Variants in TFIP11 observed in about 807,000 individuals in gnomAD.
TFIP11 encodes the protein tuftelin-interacting protein 11.
A neutral mutation model predicts 96.8 loss-of-function variants in TFIP11; 86 were observed. The observed-to-expected ratio is 0.89, with a 90% CI of 0.75 to 1.06. TFIP11 has a LOEUF of 1.06. Among genes scored for constraint, TFIP11 ranks in the 50% least tolerant of loss-of-function variants. TFIP11 has a pLI of 0.00. For missense variants in TFIP11, 881 were observed against 1,076.7 expected (o/e 0.82, Z 2.54); for synonymous variants, 405 against 395.2 (o/e 1.02, Z -0.29).
At chr22:26,507,641 AAAAAAG>A (rs1438968478) in intron 4 of TFIP11, among the ~76,000 whole-genome samples, 1 of 151,630 alleles carries the variant, frequency 6.6e-6, no homozygotes, top group Admixed American at 6.6e-5. Context: ...AAAAAAAAAA[AAAAAAG>A]AAAAGAAAAT....
intron 2 of TFIP11, 125 bp downstream of exon 2, chr22:26,511,973 AG>A (rs2147155548): frequency 6.6e-6 from 1 of 152,342 alleles, no homozygotes; most frequent in African/African-American, 2.4e-5. Context: ...AGTAGATGCT[AG>A]GTACATGCTG....
In TFIP11 at chr22:26,508,229, T is replaced by C. The variant is rs185235954; in HGVS notation, c.210-1301A>G. On this transcript the variant is annotated intron_variant, in intron 4 of 14. Coordinates refer to ENST00000407690, the MANE Select transcript of TFIP11 (RefSeq NM_012143.4). ...AGGGAGTTTTTTCCTAAAATTGTAATATAACTTAGTGATTTAGATCCCAAA... is the reference window on the plus strand; with the variant it reads ...AGGGAGTTTTTTCCTAAAATTGTAACATAACTTAGTGATTTAGATCCCAAA... Among the ~76,000 whole-genome samples the C allele has an allele frequency of 4.5e-3, 681 of 152,334 alleles. 4 individuals carry two copies. Among genetic ancestry groups the C allele is most frequent in the Middle Eastern group, 0.014 (4 of 294 alleles).
At position 26,506,350 on chromosome 22, in the gene TFIP11, TGAA is replaced by T; in HGVS notation, c.470_472del (p.Leu157del). 6.2e-7 allele frequency: 1 copy of T among 1,613,754 alleles called. No individual in the cohort carries two copies. Among genetic ancestry groups the T allele is most frequent in the Non-Finnish European group, 8.5e-7 (1 of 1,179,814 alleles). On this transcript the variant is annotated inframe_deletion, in exon 6 of 15. Transcript: ENST00000407690. ...CCGTCCAGGGACGTAGCCCATCTTC[TGAA>T]GAAGCTTCTGTCCAATTCCTTTTGT... is the stretch of plus-strand genomic sequence containing the variant.
chr22:26,506,243 G>A lies in TFIP11; in HGVS notation c.520+60C>T, dbSNP rs140924644. The A allele has an allele frequency of 2.1e-4, 310 of 1,486,998 alleles. 1 individual carries two copies. In the East Asian group the frequency reaches 6.8e-3, roughly 33 times the overall value. 92.1% of individuals were successfully genotyped at this position (1,486,998 alleles called of 1,614,324 possible). ...GGAAAAGCAAACCTCCTCTCCCAAC[G>A]CCCCTCTCCTTCCCTATGCCTGCCC... On this transcript the variant is annotated intron_variant, in intron 6 of 14. Coordinates refer to ENST00000407690, the MANE Select transcript of TFIP11 (RefSeq NM_012143.4).
In TFIP11 at chr22:26,506,902, TTGAC is replaced by T; in HGVS notation, c.232_235del (p.Val78ThrfsTer41). On this transcript the variant is annotated frameshift_variant, in exon 5 of 15. Coordinates refer to ENST00000407690, the MANE Select transcript of TFIP11 (RefSeq NM_012143.4). LOFTEE classifies it high-confidence loss of function. ...TTTCTTGAGCCCTGCGCTGATGAAG[TTGAC>T]TGGCGCAGAGTAGTCACGGGCCCTG... 1.9e-6 allele frequency: 3 copies of T among 1,614,200 alleles called. No homozygotes were observed. Among genetic ancestry groups the T allele is most frequent in the Non-Finnish European group, 2.5e-6 (3 of 1,180,040 alleles).
chr22:26,511,742 T>A (rs575686236), intron 2 of TFIP11: 1 of 152,308 alleles, frequency 6.6e-6, no homozygotes, highest in African/African-American at 2.4e-5. Context: ...AGTGTCAAAC[T>A]CTGGTCACCT....
In TFIP11 at chr22:26,496,723, C is replaced by T. The variant is rs1922103639; in HGVS notation, c.1603G>A (p.Glu535Lys). The T allele has an allele frequency of 6.2e-7, 1 of 1,613,736 alleles. No individual in the cohort carries two copies. The highest frequency in any genetic ancestry group is 1.3e-5 in the African/African-American group (1 of 74,920). ...GTTTCCCATGACTCTCATCCCACCT[C>T]CTTTTGCAGCTTGGGGAAGATGAGT... The part of the protein sequence containing the change: ...DQLIFPKLQK[E>K]VENWNPLTDT... The change falls in exon 11 of 15, where the codon GAG (glutamate) becomes AAG (lysine). Residue 535 changes from glutamate to lysine, a missense_variant and splice_region_variant. Glu to Lys is a moderately conservative substitution (Grantham distance 56, BLOSUM62 1). Coordinates refer to ENST00000407690, the MANE Select transcript of TFIP11 (RefSeq NM_012143.4).
At chr22:26,508,843 C>CA (rs134139) in intron 4 of TFIP11, among the ~76,000 whole-genome samples, 41 of 139,056 alleles carry the variant, frequency 2.9e-4, no homozygotes, top group South Asian at 2.8e-3. Flanking sequence ...GACTTCATCT[C>CA]AAAAAAAAAA....
intron 10 of TFIP11, among the ~76,000 whole-genome samples, chr22:26,497,945 C>G (rs1922273109): frequency 6.6e-6 from 1 of 150,788 alleles, no homozygotes; most frequent in African/African-American, 2.4e-5. Context: ...CAGCACAATT[C>G]GCAGTTGCAA....
rs1921993867 is a variant in TFIP11 at position 26,496,103 on chromosome 22, A to G, written c.1819T>C (p.Phe607Leu). 6.2e-7 allele frequency: 1 copy of G among 1,613,678 alleles called. No individual in the cohort carries two copies. The change falls in exon 12 of 15, where the codon TTC becomes CTC. Residue 607 changes from phenylalanine (F) to leucine (L), a missense_variant. Phe to Leu is a conservative substitution (Grantham distance 22). Transcript: ENST00000407690. Reference protein sequence around the residue: ...DVFTPGSWEAFMVKNIVPKLG... With the variant: ...DVFTPGSWEALMVKNIVPKLG... ...TTGGGCACTATGTTTTTGACCATGA[A>G]TGCTTCCCAGGAGCCAGGAGTGAAG... is the stretch of plus-strand genomic sequence containing the variant.
intron 4 of TFIP11, among the ~76,000 whole-genome samples, chr22:26,508,400 G>A (rs143588721): frequency 1.3e-5 from 2 of 152,306 alleles, no homozygotes; most frequent in African/African-American, 4.8e-5. Context: ...TTATGAAATA[G>A]CCAGGACAAG....
intron 14 of TFIP11, chr22:26,493,104 TACA>T (rs1602191711): frequency 6.6e-6 from 1 of 152,044 alleles, no homozygotes; most frequent in African/African-American, 2.4e-5. Context: ...CTCGGCTCAC[TACA>T]ACCTCTGCCT....
chr22:26,507,005 C>G (rs888288294), intron 4 of TFIP11, 77 bp from the exon 5 acceptor site: 10 of 1,535,604 alleles, frequency 6.5e-6, no homozygotes, highest in Non-Finnish European at 1.8e-6. Flanking sequence ...GCAGAAACTA[C>G]GTGCTTGAAG....
At chr22:26,510,513 A>G in intron 3 of TFIP11, 104 bp downstream of exon 3, 1 of 525,910 alleles carries the variant, frequency 1.9e-6, no homozygotes, top group Non-Finnish European at 3.4e-6. Flanking sequence ...ATTCTTTAAA[A>G]GTACATATCT....
intron 5 of TFIP11, 116 bp from the exon 6 acceptor site, chr22:26,506,575 T>C (rs753848456): frequency 7.2e-6 from 10 of 1,381,778 alleles, no homozygotes; most frequent in Non-Finnish European, 9.8e-6. Flanking sequence ...AAAAGTGTCA[T>C]ATGAACCAAA....
intron 14 of TFIP11, chr22:26,492,926 G>C (rs1051194871): frequency 6.5e-6 from 1 of 153,444 alleles, no homozygotes; most frequent in African/African-American, 2.4e-5. Flanking sequence ...TGAGGCCAAG[G>C]GTAGCTAAGG....
At chr22:26,496,368 A>G (rs1434034694) in intron 11 of TFIP11, 52 bp from the exon 12 acceptor site, 5 of 1,546,514 alleles carry the variant, frequency 3.2e-6, no homozygotes, top group Non-Finnish European at 4.4e-6. Context: ...GCAGTCACAT[A>G]ACACCCCTGT....
intron 6 of TFIP11, among the ~76,000 whole-genome samples, chr22:26,504,368 T>G (rs1923160127): frequency 6.6e-6 from 1 of 152,166 alleles, no homozygotes; most frequent in South Asian, 2.1e-4. Context: ...ACTCCAAATT[T>G]TCCATCCCTG....
chr22:26,499,398 C>A lies in TFIP11; in HGVS notation c.1035G>T (p.Glu345Asp). The part of the protein sequence containing the change: ...IIQNDRQLQY[E>D]RDMVVNLFHE... ...GGAAGAGGTTGACCACCATGTCCCG[C>A]TCATACTGTAGCTGCCGGTCATTCT... The change falls in exon 9 of 15, where the codon GAG (glutamate) becomes GAT (aspartate). Residue 345 changes from glutamate (E) to aspartate (D), a missense_variant. Transcript: ENST00000407690. 6.2e-7 allele frequency: 1 copy of A among 1,614,160 alleles called. No individual in the cohort carries two copies. The highest frequency in any genetic ancestry group is 8.5e-7 in the Non-Finnish European group (1 of 1,179,986).
Sources: gnomAD v4.1 joint callset for allele counts (sites outside exome capture counted in the v4.1 genomes callset) on GRCh38, gnomAD v4.1.1 for gene constraint, MANE v1.5 for transcripts, NCBI Gene and HGNC (gene_info 2026-07-23, HGNC 2026-07-21) for gene names.